GRIN3A: variants seen among roughly 807,000 people sequenced by gnomAD.
The protein encoded by GRIN3A is glutamate receptor ionotropic, NMDA 3A.
A neutral mutation model predicts 92.4 loss-of-function variants in GRIN3A; 47 were observed. That is an observed-to-expected ratio of 0.51 (90% CI 0.40 to 0.65). GRIN3A has a LOEUF of 0.65. Ranked by LOEUF, GRIN3A falls within the 30% of genes least tolerant of loss-of-function variation. The pLI is 0.00. For synonymous variants in GRIN3A, 527 were observed against 540.6 expected, an observed-to-expected ratio of 0.97 and a Z score of 0.35; for missense variants, 1,324 against 1,393.1, an observed-to-expected ratio of 0.95 and a Z score of 0.79.
chr9:101,720,931 C>G (rs1830004654), intron 1 of GRIN3A, among the ~76,000 whole-genome samples: 1 of 152,116 alleles, frequency 6.6e-6, no homozygotes, highest in Non-Finnish European at 1.5e-5. Context: ...ATAATCTGTA[C>G]AACAGACTCC....
intron 3 of GRIN3A, among the ~76,000 whole-genome samples, chr9:101,636,806 C>T (rs1030465510): frequency 6.6e-6 from 1 of 152,152 alleles, no homozygotes; most frequent in East Asian, 1.9e-4. Context: ...GTTATAGCAA[C>T]GGCAGCAACA....
chr9:101,689,739 C>G (rs1422750312), intron 1 of GRIN3A, among the ~76,000 whole-genome samples: 2 of 136,424 alleles, frequency 1.5e-5, no homozygotes, highest in Admixed American at 1.6e-4. Flanking sequence ...TGCACACACA[C>G]ACATACACAC....
chr9:101,708,071 T>C (rs995427347), intron 1 of GRIN3A, among the ~76,000 whole-genome samples: 1 of 152,114 alleles, frequency 6.6e-6, no homozygotes, highest in Non-Finnish European at 1.5e-5. Flanking sequence ...TGTAATAGAC[T>C]TAGAAAAAAG....
intron 2 of GRIN3A, among the ~76,000 whole-genome samples, chr9:101,672,258 G>A (rs1479848862): frequency 6.6e-6 from 1 of 152,054 alleles, no homozygotes; most frequent in East Asian, 1.9e-4. Flanking sequence ...TACAAGAGTT[G>A]GAAATAATTT....
At chr9:101,722,481 A>G (rs1319355274) in intron 1 of GRIN3A, among the ~76,000 whole-genome samples, 1 of 152,192 alleles carries the variant, frequency 6.6e-6, no homozygotes, top group Non-Finnish European at 1.5e-5. Context: ...AGAATGGCAG[A>G]TCCACCAACA....
intron 1 of GRIN3A, among the ~76,000 whole-genome samples, chr9:101,702,439 G>A (rs1049852849): frequency 6.6e-6 from 1 of 152,060 alleles, no homozygotes; most frequent in African/African-American, 2.4e-5. Context: ...GTGTACATAT[G>A]ACTCACCTCT....
At position 101,572,769 on chromosome 9, in the gene GRIN3A, G is replaced by A. The variant is rs1408958301; in HGVS notation, c.*405C>T. On this transcript the variant is annotated 3_prime_UTR_variant, in exon 9 of 9. Transcript: ENST00000361820. ...CTACAACCCTAGATAACCTCGTTCT[G>A]TGTTACGATGAAAACCAGCAACCCA... 4 of 236,392 alleles carry A rather than the reference G, an allele frequency of 1.7e-5. No individual in the cohort carries two copies. Among genetic ancestry groups the A allele is most frequent in the African/African-American group, 8.9e-5 (4 of 44,980 alleles). 14.6% of individuals were successfully genotyped at this position (236,392 alleles called of 1,614,324 possible).
intron 3 of GRIN3A, among the ~76,000 whole-genome samples, chr9:101,647,643 A>T (rs1828956106): frequency 6.6e-6 from 1 of 151,808 alleles, no homozygotes; most frequent in Non-Finnish European, 1.5e-5. Context: ...CTTTGATGGG[A>T]GACTTTTTGT....
At chr9:101,732,278 T>C (rs537741783) in intron 1 of GRIN3A, among the ~76,000 whole-genome samples, 9 of 152,292 alleles carry the variant, frequency 5.9e-5, no homozygotes, top group Middle Eastern at 3.4e-3. Context: ...CTTTGTGGTG[T>C]AGTTGGCGGA....
At chr9:101,712,274 A>C (rs1829887974) in intron 1 of GRIN3A, among the ~76,000 whole-genome samples, 1 of 152,178 alleles carries the variant, frequency 6.6e-6, no homozygotes, top group African/African-American at 2.4e-5. Context: ...TGGTTTAATT[A>C]ATTACTTGGA....
intron 6 of GRIN3A, among the ~76,000 whole-genome samples, chr9:101,590,379 TA>T (rs1564120200): frequency 1.9e-4 from 28 of 149,554 alleles, no homozygotes; most frequent in Admixed American, 4.6e-4. Flanking sequence ...TTTATTTATT[TA>T]TTTATTTATT....
At chr9:101,693,257 A>C (rs1175804610) in intron 1 of GRIN3A, among the ~76,000 whole-genome samples, 2 of 149,302 alleles carry the variant, frequency 1.3e-5, no homozygotes, top group Non-Finnish European at 3.0e-5. Context: ...ATATATATAT[A>C]TATATATATA....
chr9:101,651,029 T>C (rs58320128), intron 3 of GRIN3A, among the ~76,000 whole-genome samples: 61 of 152,130 alleles, frequency 4.0e-4, no homozygotes, highest in African/African-American at 1.5e-3. Flanking sequence ...TTTGTGTGTA[T>C]TTCTCAAGGA....
intron 6 of GRIN3A, among the ~76,000 whole-genome samples, chr9:101,581,788 C>T (rs1033032461): frequency 5.3e-5 from 8 of 152,148 alleles, no homozygotes; most frequent in Non-Finnish European, 7.4e-5. Context: ...CCTCAGATGC[C>T]GTACTAAGGA....
intron 6 of GRIN3A, among the ~76,000 whole-genome samples, chr9:101,588,060 A>G (rs796945624): frequency 2.8e-4 from 43 of 152,348 alleles, no homozygotes; most frequent in African/African-American, 9.9e-4. Flanking sequence ...TGATATCCAC[A>G]TGAAATGTGG....
chr9:101,712,474 G>A (rs1245378044), intron 1 of GRIN3A, among the ~76,000 whole-genome samples: 2 of 152,150 alleles, frequency 1.3e-5, no homozygotes, highest in Non-Finnish European at 2.9e-5. Flanking sequence ...AGGTAGACAA[G>A]GCAGTGAGTA....
intron 5 of GRIN3A, among the ~76,000 whole-genome samples, chr9:101,617,624 A>T (rs886151239): frequency 2.6e-4 from 40 of 150,948 alleles, no homozygotes; most frequent in African/African-American, 8.8e-4. Flanking sequence ...TATTTTATTT[A>T]TTTATTTTGT....
At chr9:101,735,596 AAAG>A (rs1830192048) in intron 1 of GRIN3A, among the ~76,000 whole-genome samples, 3 of 151,920 alleles carry the variant, frequency 2.0e-5, no homozygotes, top group Admixed American at 2.0e-4. Flanking sequence ...CTACAAATGA[AAAG>A]GAGTCTGGAG....
intron 2 of GRIN3A, among the ~76,000 whole-genome samples, chr9:101,683,836 G>C (rs1829494061): frequency 8.5e-6 from 1 of 117,408 alleles, no homozygotes; most frequent in Non-Finnish European, 1.7e-5. Flanking sequence ...AGGAGAGAGA[G>C]AGAGAGACAG....
Sources: allele counts gnomAD v4.1 joint callset (sites outside exome capture counted in the v4.1 genomes callset), GRCh38; gene constraint gnomAD v4.1.1; transcripts MANE v1.5; gene names NCBI Gene and HGNC (gene_info 2026-07-23, HGNC 2026-07-21).